The following DDR2 variants were observed in gnomAD, a reference collection of about 807,000 sequenced individuals.
DDR2 encodes the protein discoidin domain-containing receptor 2.
In DDR2, 27 loss-of-function variants were observed where a neutral mutation model predicts 94.9. That is an observed-to-expected ratio of 0.28 (90% CI 0.21 to 0.39). The LOEUF is 0.39. DDR2 is among the 10% of genes least tolerant of loss of function. DDR2 has a pLI of 1.00. For missense variants in DDR2, 783 were observed against 1,076.0 expected (o/e 0.73, Z 3.81); for synonymous variants, 382 against 377.2 (o/e 1.01, Z -0.15).
chr1:162,675,034 T>G (rs10799863), intron 2 of DDR2, among the ~76,000 whole-genome samples: 102,660 of 151,828 alleles, frequency 0.68, 35,171 homozygotes, highest in Middle Eastern at 0.79. Context: ...GGTGGGCACC[T>G]GTAATTTCAA....
At chr1:162,707,797 T>C (rs1660727288) in intron 2 of DDR2, among the ~76,000 whole-genome samples, 1 of 152,192 alleles carries the variant, frequency 6.6e-6, no homozygotes, top group Non-Finnish European at 1.5e-5. Flanking sequence ...ATTCAAAAAT[T>C]GATATTTATA....
intron 1 of DDR2, among the ~76,000 whole-genome samples, chr1:162,634,532 G>T (rs1405442534): frequency 6.6e-6 from 1 of 152,202 alleles, no homozygotes; most frequent in African/African-American, 2.4e-5. Flanking sequence ...TGGTGCTGAT[G>T]CTGGCAGGAG....
At chr1:162,702,969 A>G (rs1187682790) in intron 2 of DDR2, among the ~76,000 whole-genome samples, 1 of 152,190 alleles carries the variant, frequency 6.6e-6, no homozygotes, top group African/African-American at 2.4e-5. Flanking sequence ...ATCACCTAGC[A>G]TATTTTCTGA....
At chr1:162,637,262 T>C (rs1441219103) in intron 1 of DDR2, among the ~76,000 whole-genome samples, 1 of 152,182 alleles carries the variant, frequency 6.6e-6, no homozygotes, top group Non-Finnish European at 1.5e-5. Context: ...GTATCCACAT[T>C]GGGTTAATAA....
chr1:162,770,185 G>C, intron 11 of DDR2, 117 bp from the exon 12 acceptor site: 1 of 1,004,844 alleles, frequency 1.0e-6, no homozygotes, highest in Non-Finnish European at 1.6e-6. Context: ...AGTGTTGCTG[G>C]GGTTAAACAG....
chr1:162,740,599 T>G (rs1455759632), intron 3 of DDR2, among the ~76,000 whole-genome samples: 1 of 152,184 alleles, frequency 6.6e-6, no homozygotes, highest in Non-Finnish European at 1.5e-5. Flanking sequence ...GAATGCCTAT[T>G]CCTTTTGCAT....
chr1:162,769,841 G>T (rs992775579), intron 11 of DDR2, among the ~76,000 whole-genome samples: 4 of 152,104 alleles, frequency 2.6e-5, no homozygotes, highest in African/African-American at 9.7e-5. Context: ...CTAATCTAGG[G>T]TATCAAAATG....
At chr1:162,701,562 G>A (rs1169971561) in intron 2 of DDR2, among the ~76,000 whole-genome samples, 1 of 152,186 alleles carries the variant, frequency 6.6e-6, no homozygotes, top group African/African-American at 2.4e-5. Flanking sequence ...TTGCACTCTG[G>A]TGAACAGACA....
intron 1 of DDR2, among the ~76,000 whole-genome samples, chr1:162,634,292 G>C (rs1656708376): frequency 6.6e-6 from 1 of 152,168 alleles, no homozygotes; most frequent in Admixed American, 6.5e-5. Context: ...ATAAGTTCTG[G>C]CTCTACCTTT....
intron 14 of DDR2, 30 bp downstream of exon 14, chr1:162,773,626 T>C (rs540810008): frequency 1.2e-6 from 2 of 1,613,394 alleles, no homozygotes; most frequent in African/African-American, 1.3e-5. Flanking sequence ...AATTTTCCTT[T>C]AGGTATTTCA....
intron 2 of DDR2, among the ~76,000 whole-genome samples, chr1:162,669,469 A>G (rs1243632550): frequency 2.0e-5 from 3 of 152,226 alleles, no homozygotes; most frequent in Non-Finnish European, 4.4e-5. Context: ...CAAACACATC[A>G]CAGTCAAGTC....
intron 4 of DDR2, 66 bp from the exon 5 acceptor site, chr1:162,754,558 G>A: frequency 1.3e-6 from 2 of 1,533,754 alleles, no homozygotes; most frequent in Non-Finnish European, 1.8e-6. Context: ...CTGCTTGCCT[G>A]TGAACCAGTA....
At chr1:162,700,982 A>G (rs1476471258) in intron 2 of DDR2, among the ~76,000 whole-genome samples, 1 of 151,694 alleles carries the variant, frequency 6.6e-6, no homozygotes, top group Non-Finnish European at 1.5e-5. Context: ...CAGGAGAAAC[A>G]TTGAGCAGTG....
intron 2 of DDR2, among the ~76,000 whole-genome samples, chr1:162,693,213 G>T (rs1476197642): frequency 6.6e-6 from 1 of 152,182 alleles, no homozygotes; most frequent in African/African-American, 2.4e-5. Context: ...CTTCTGAGTT[G>T]CTGAGGTTGT....
chr1:162,661,198 A>G (rs944542407), intron 2 of DDR2, among the ~76,000 whole-genome samples: 10 of 152,262 alleles, frequency 6.6e-5, no homozygotes, highest in African/African-American at 2.4e-4. Flanking sequence ...CCTCAAAGAA[A>G]TGGTTATAAT....
At chr1:162,643,990 C>A (rs918030614) in intron 1 of DDR2, among the ~76,000 whole-genome samples, 6 of 152,106 alleles carry the variant, frequency 3.9e-5, no homozygotes, top group African/African-American at 1.2e-4. Context: ...AGAAATGAGA[C>A]CTGGCTATTA....
At chr1:162,666,148 A>G (rs188009388) in intron 2 of DDR2, among the ~76,000 whole-genome samples, 27 of 152,342 alleles carry the variant, frequency 1.8e-4, no homozygotes, top group African/African-American at 3.1e-4. Context: ...GATCAGAGTC[A>G]TCTTCTGACT....
At chr1:162,767,116 C>A in intron 10 of DDR2, 113 bp from the exon 11 acceptor site, 1 of 1,499,564 alleles carries the variant, frequency 6.7e-7, no homozygotes, top group Non-Finnish European at 9.2e-7. Flanking sequence ...GTGGCATCTT[C>A]CATAATTATC....
At chr1:162,745,060 A>G (rs1417212151) in intron 3 of DDR2, among the ~76,000 whole-genome samples, 1 of 152,148 alleles carries the variant, frequency 6.6e-6, no homozygotes, top group African/African-American at 2.4e-5. Context: ...ATATCTCATT[A>G]TGGTTTTAAT....
Sources: allele counts gnomAD v4.1 joint callset (sites outside exome capture counted in the v4.1 genomes callset), GRCh38; gene constraint gnomAD v4.1.1; transcripts MANE v1.5; gene names NCBI Gene and HGNC (gene_info 2026-07-23, HGNC 2026-07-21).